Variants in FSTL4 observed in about 807,000 individuals in gnomAD.
FSTL4 encodes the protein follistatin like 4.
In FSTL4, 28 loss-of-function variants were observed where a neutral mutation model predicts 78.2. The ratio of observed to expected loss-of-function variants is 0.36; its 90% CI spans 0.27 to 0.49. The LOEUF (loss-of-function observed/expected upper bound fraction) is 0.49, where lower values mean the gene tolerates loss of function less well. Among genes scored for constraint, FSTL4 ranks in the 20% least tolerant of loss-of-function variants. The pLI is 0.98. For missense variants in FSTL4, 922 were observed against 1,084.9 expected (o/e 0.85, Z 2.11); for synonymous variants, 422 against 440.5 (o/e 0.96, Z 0.53).
intron 2 of FSTL4, among the ~76,000 whole-genome samples, chr5:133,576,381 G>A (rs1760279401): frequency 1.3e-5 from 2 of 152,170 alleles, no homozygotes; most frequent in African/African-American, 4.8e-5. Flanking sequence ...GAATATTATG[G>A]GATTCACTGG....
chr5:133,282,713 T>C (rs1753038245), intron 6 of FSTL4, among the ~76,000 whole-genome samples: 1 of 152,162 alleles, frequency 6.6e-6, no homozygotes, highest in Non-Finnish European at 1.5e-5. Context: ...TGAAGCCTGC[T>C]GACTCCATCT....
chr5:133,217,505 G>C (rs1194678348), intron 12 of FSTL4, 127 bp from the exon 13 acceptor site: 4 of 834,962 alleles, frequency 4.8e-6, no homozygotes, highest in Non-Finnish European at 7.3e-6. Context: ...TGGATCCATA[G>C]AACAGGGCAC....
At chr5:133,384,640 G>T (rs753309305) in intron 4 of FSTL4, among the ~76,000 whole-genome samples, 1 of 152,164 alleles carries the variant, frequency 6.6e-6, no homozygotes, top group Non-Finnish European at 1.5e-5. Context: ...TTTGTTGAAT[G>T]TCCTCGATGC....
intron 4 of FSTL4, among the ~76,000 whole-genome samples, chr5:133,383,120 C>T (rs1384337442): frequency 6.6e-6 from 1 of 152,194 alleles, no homozygotes; most frequent in Non-Finnish European, 1.5e-5. Context: ...CCCGGCCCAC[C>T]CTGATTTTGT....
chr5:133,411,812 CA>C (rs1178793116), intron 3 of FSTL4, among the ~76,000 whole-genome samples: 1 of 151,978 alleles, frequency 6.6e-6, no homozygotes, highest in African/African-American at 2.4e-5. Flanking sequence ...CTTAGAAATC[CA>C]AGAGACTCCA....
intron 3 of FSTL4, among the ~76,000 whole-genome samples, chr5:133,522,685 G>A (rs1370666830): frequency 1.3e-5 from 2 of 152,224 alleles, no homozygotes; most frequent in African/African-American, 2.4e-5. Context: ...CAATTGACAC[G>A]TTCTTAGCAT....
intron 3 of FSTL4, among the ~76,000 whole-genome samples, chr5:133,447,008 T>A (rs1250752331): frequency 6.6e-6 from 1 of 152,136 alleles, no homozygotes; most frequent in Non-Finnish European, 1.5e-5. Flanking sequence ...AAAGTACATC[T>A]TTCAGCTCTT....
At chr5:133,369,527 G>C (rs1755246803) in intron 4 of FSTL4, among the ~76,000 whole-genome samples, 1 of 152,190 alleles carries the variant, frequency 6.6e-6, no homozygotes, top group African/African-American at 2.4e-5. Context: ...ACCTGGCAGG[G>C]GGTTGGGTGG....
At chr5:133,739,171 T>C in the FSTL4 span, among the ~76,000 whole-genome samples, 1 of 152,126 alleles carries the variant, frequency 6.6e-6, no homozygotes, top group Admixed American at 6.5e-5. Context: ...AACTCTCAAT[T>C]ACACAGAAAT....
the FSTL4 span, among the ~76,000 whole-genome samples, chr5:133,826,562 C>A: frequency 6.6e-6 from 1 of 152,224 alleles, no homozygotes; most frequent in African/African-American, 2.4e-5. Context: ...GGCCACACTG[C>A]CTCCTCTTCG....
chr5:133,394,460 C>A (rs1398304623), intron 4 of FSTL4, among the ~76,000 whole-genome samples: 4 of 152,248 alleles, frequency 2.6e-5, no homozygotes, highest in African/African-American at 4.8e-5. Context: ...GGCCAGCTGG[C>A]ACCACTGGCC....
chr5:133,765,227 G>A, the FSTL4 span, among the ~76,000 whole-genome samples: 10 of 152,350 alleles, frequency 6.6e-5, no homozygotes, highest in East Asian at 1.9e-4. Flanking sequence ...AGTGGGGAGA[G>A]GGGGAGGTTA....
At chr5:133,364,196 G>A (rs1453711872) in intron 4 of FSTL4, among the ~76,000 whole-genome samples, 1 of 152,178 alleles carries the variant, frequency 6.6e-6, no homozygotes, top group Non-Finnish European at 1.5e-5. Flanking sequence ...TGCTCAGCAA[G>A]GGACATGTTC....
At chr5:133,809,097 G>A in the FSTL4 span, among the ~76,000 whole-genome samples, 2 of 151,960 alleles carry the variant, frequency 1.3e-5, no homozygotes, top group Non-Finnish European at 2.9e-5. Flanking sequence ...CAGGTGCGGT[G>A]GCTCACGCCT....
chr5:133,500,487 G>A (rs148880837), intron 3 of FSTL4, among the ~76,000 whole-genome samples: 11 of 152,126 alleles, frequency 7.2e-5, no homozygotes, highest in African/African-American at 2.6e-4. Flanking sequence ...ACAAAGCTTT[G>A]GTTTCCATGG....
intron 4 of FSTL4, among the ~76,000 whole-genome samples, chr5:133,330,468 C>A (rs1440545483): frequency 6.6e-6 from 1 of 152,074 alleles, no homozygotes; most frequent in Non-Finnish European, 1.5e-5. Flanking sequence ...TTTTAAACAA[C>A]CAGATCTCGC....
chr5:133,502,868 A>T (rs1758530005), intron 3 of FSTL4, among the ~76,000 whole-genome samples: 1 of 152,188 alleles, frequency 6.6e-6, no homozygotes, highest in Non-Finnish European at 1.5e-5. Context: ...TACAGCAAGG[A>T]TCTCAGTTCT....
chr5:133,379,269 C>T (rs1010477793), intron 4 of FSTL4, among the ~76,000 whole-genome samples: 3 of 151,772 alleles, frequency 2.0e-5, no homozygotes, highest in Non-Finnish European at 4.4e-5. Context: ...GAAGCAAAAG[C>T]GACAGAACTA....
At chr5:133,738,944 T>C in the FSTL4 span, among the ~76,000 whole-genome samples, 2 of 152,124 alleles carry the variant, frequency 1.3e-5, no homozygotes, top group Non-Finnish European at 2.9e-5. Flanking sequence ...CAGAACTTTG[T>C]AGGGGTCCTT....
Sources: gnomAD v4.1 joint callset for allele counts (sites outside exome capture counted in the v4.1 genomes callset) on GRCh38, gnomAD v4.1.1 for gene constraint, MANE v1.5 for transcripts, NCBI Gene and HGNC (gene_info 2026-07-23, HGNC 2026-07-21) for gene names.